The following KLHL32 variants were observed in gnomAD, a reference collection of about 807,000 sequenced individuals.
KLHL32 encodes kelch-like protein 32.
KLHL32 carries 35 observed loss-of-function variants against 64.8 expected under a neutral mutation model. The observed-to-expected ratio is 0.54, with a 90% CI of 0.41 to 0.72. The LOEUF (loss-of-function observed/expected upper bound fraction) is 0.72. Among genes scored for constraint, KLHL32 ranks in the 30% least tolerant of loss-of-function variants. KLHL32 has a pLI of 0.00. For missense variants in KLHL32, 589 were observed against 768.5 expected (o/e 0.77, Z 2.76); for synonymous variants, 259 against 281.0 (o/e 0.92, Z 0.78).
Position 97,064,712 on chromosome 6 carries a change from C to A in KLHL32, c.397C>A (p.His133Asn). The A allele has an allele frequency of 1.2e-6, 2 of 1,613,216 alleles. No individual in the cohort carries two copies. Among genetic ancestry groups the A allele is most frequent in the Non-Finnish European group, 1.7e-6 (2 of 1,179,130 alleles). ...GTTGGAGCTTCTCAATTTATGCTCC[C>A]ACTATCTCATCCAGGTATGTGAGCT... ...QLLELLNLCS[H>N]YLIQELNSFN... The change falls in exon 5 of 11, where the codon CAC (histidine) becomes AAC (asparagine). Residue 133 changes from histidine (H) to asparagine (N), a missense_variant. By Grantham distance (68) the His-to-Asn change is moderately conservative (BLOSUM62 1). This residue lies in a region of KLHL32 where 191 missense variants were observed against 223.3 expected (regional missense o/e 0.86). Coordinates refer to ENST00000369261, the MANE Select transcript of KLHL32 (RefSeq NM_052904.4).
At chr6:97,136,282 T>G (rs1800002704) in intron 10 of KLHL32, among the ~76,000 whole-genome samples, 1 of 152,218 alleles carries the variant, frequency 6.6e-6, no homozygotes, top group South Asian at 2.1e-4. Context: ...AACTGTGATT[T>G]GTAGGATTCA....
At chr6:96,917,945 C>G in the KLHL32 span, among the ~76,000 whole-genome samples, 1,323 of 152,262 alleles carry the variant, frequency 8.7e-3, 7 homozygotes, top group African/African-American at 0.016. Context: ...AGGGGCTGTT[C>G]CGTACATTGT....
At chr6:97,111,040 G>C (rs942740570) in intron 6 of KLHL32, among the ~76,000 whole-genome samples, 21 of 152,170 alleles carry the variant, frequency 1.4e-4, no homozygotes, top group South Asian at 1.0e-3. Flanking sequence ...TGGGGGGGGG[G>C]GGTCTTAGCC....
At chr6:96,970,046 A>G (rs929979113) in intron 2 of KLHL32, among the ~76,000 whole-genome samples, 3 of 152,152 alleles carry the variant, frequency 2.0e-5, no homozygotes, top group Non-Finnish European at 4.4e-5. Flanking sequence ...TCACCTCCAT[A>G]TGTAATCTAA....
intron 4 of KLHL32, among the ~76,000 whole-genome samples, chr6:97,059,827 G>A (rs1178528539): frequency 6.6e-6 from 1 of 151,964 alleles, no homozygotes; most frequent in Non-Finnish European, 1.5e-5. Flanking sequence ...AGCTATTTAT[G>A]CTGTTGTATC....
intron 10 of KLHL32, 115 bp downstream of exon 10, chr6:97,132,862 G>GT (rs1335889669): frequency 2.1e-5 from 14 of 673,220 alleles, no homozygotes; most frequent in African/African-American, 5.6e-5. Flanking sequence ...TTAACGTCCC[G>GT]TTTTTTGTGC....
chr6:97,047,951 A>G (rs1488487644), intron 4 of KLHL32, among the ~76,000 whole-genome samples: 2 of 152,184 alleles, frequency 1.3e-5, no homozygotes, highest in Non-Finnish European at 2.9e-5. Flanking sequence ...AGGACTGCGA[A>G]CCACAATAAA....
chr6:97,022,343 T>G (rs1782109912), intron 3 of KLHL32, among the ~76,000 whole-genome samples: 1 of 150,848 alleles, frequency 6.6e-6, no homozygotes, highest in Non-Finnish European at 1.5e-5. Context: ...CACAGCTGTT[T>G]CCTCTGCCTG....
chr6:96,980,331 G>C (rs1306332913), intron 3 of KLHL32, among the ~76,000 whole-genome samples: 2 of 152,104 alleles, frequency 1.3e-5, no homozygotes, highest in Non-Finnish European at 2.9e-5. Flanking sequence ...TTGAGGCATA[G>C]TCATATAATG....
upstream of KLHL32, among the ~76,000 whole-genome samples, chr6:96,923,651 C>T (rs1232392583): frequency 6.6e-6 from 1 of 152,146 alleles, no homozygotes; most frequent in Non-Finnish European, 1.5e-5. Context: ...ATTAAGGACA[C>T]CTCAAAATAG....
At position 96,943,173 on chromosome 6, in the gene KLHL32, T is replaced by A. The variant is rs191661334; in HGVS notation, c.-66+18147T>A. ...ATATATACACATACATACACACACA[T>A]GCCTATACATACACACATACATTCT... On this transcript the variant is annotated intron_variant, in intron 1 of 10. Coordinates refer to ENST00000369261, the MANE Select transcript of KLHL32 (RefSeq NM_052904.4). Among the ~76,000 whole-genome samples the A allele has an allele frequency of 1.1e-4, 16 of 151,824 alleles. No individual in the cohort carries two copies. In the East Asian group the frequency reaches 3.1e-3, roughly 29 times the overall value.
At chr6:96,929,952 G>A (rs571924314) in intron 1 of KLHL32, among the ~76,000 whole-genome samples, 2 of 152,240 alleles carry the variant, frequency 1.3e-5, no homozygotes, top group Admixed American at 1.3e-4. Context: ...AAATGTCTTT[G>A]GCAGTTTTCA....
chr6:97,080,836 C>T (rs1792384164), intron 5 of KLHL32, among the ~76,000 whole-genome samples: 1 of 151,990 alleles, frequency 6.6e-6, no homozygotes, highest in Non-Finnish European at 1.5e-5. Context: ...AGCTCTAAAA[C>T]AAATAAGATG....
intron 5 of KLHL32, among the ~76,000 whole-genome samples, chr6:97,065,795 G>A (rs769815237): frequency 9.2e-5 from 14 of 152,114 alleles, no homozygotes; most frequent in Non-Finnish European, 1.9e-4. Context: ...CTCTTAGGTA[G>A]TTTACAAAGC....
At chr6:96,903,959 T>C in the KLHL32 span, among the ~76,000 whole-genome samples, 1 of 152,208 alleles carries the variant, frequency 6.6e-6, no homozygotes, top group Non-Finnish European at 1.5e-5. Flanking sequence ...TTGAAAATTA[T>C]AGAGAATCTG....
intron 3 of KLHL32, among the ~76,000 whole-genome samples, chr6:97,034,610 AT>A (rs1784031016): frequency 6.6e-6 from 1 of 151,928 alleles, no homozygotes; most frequent in Admixed American, 6.6e-5. Context: ...TAGTATGAAC[AT>A]TTTAACACAT....
chr6:96,911,288 A>G, the KLHL32 span, among the ~76,000 whole-genome samples: 1 of 152,138 alleles, frequency 6.6e-6, no homozygotes, highest in East Asian at 1.9e-4. Context: ...GAAGAAAAAG[A>G]CTTCTGTGCA....
chr6:97,036,277 C>T (rs1737633), intron 3 of KLHL32, among the ~76,000 whole-genome samples: 27,345 of 151,940 alleles, frequency 0.18, 2,937 homozygotes, highest in African/African-American at 0.32. Context: ...TTATGTATTA[C>T]TTTCCTGATA....
chr6:97,008,741 C>T (rs1244969768), intron 3 of KLHL32, among the ~76,000 whole-genome samples: 1 of 152,154 alleles, frequency 6.6e-6, no homozygotes, highest in Non-Finnish European at 1.5e-5. Context: ...TGCTCAGCAG[C>T]CCTGTGCAGG....
Sources: gnomAD v4.1 joint callset for allele counts (sites outside exome capture counted in the v4.1 genomes callset) on GRCh38, gnomAD v4.1.1 for gene constraint, gnomAD v4.1.1 regional missense constraint, MANE v1.5 for transcripts, NCBI Gene and HGNC (gene_info 2026-07-23, HGNC 2026-07-21) for gene names.